Variants in DNM3 observed in about 807,000 individuals in gnomAD.
DNM3 encodes the protein dynamin-3.
A neutral mutation model predicts 101.6 loss-of-function variants in DNM3; 47 were observed. That is an observed-to-expected ratio of 0.46 (90% CI 0.37 to 0.59). The LOEUF (loss-of-function observed/expected upper bound fraction) is 0.59, where lower values mean the gene tolerates loss of function less well. DNM3 is among the 20% of genes least tolerant of loss of function. DNM3 has a pLI of 0.00. For synonymous variants in DNM3, 385 were observed against 387.9 expected (o/e 0.99, Z 0.09); for missense variants, 849 against 1,085.7 (o/e 0.78, Z 3.06).
rs2050912441 is a variant in DNM3, at chr1:172,059,057, C to A, written c.1336-9762C>A. On this transcript the variant is annotated intron_variant, in intron 10 of 20. Transcript: ENST00000627582. ...AAATAAAAACTACCATCAGAGAATA[C>A]TACAAACACCTCTACGCAAATAAAC... is the stretch of plus-strand genomic sequence containing the variant. 2.6e-5 allele frequency among the ~76,000 whole-genome samples: 4 copies of A among 151,992 alleles called. No individual in the cohort carries two copies. In the South Asian group the frequency reaches 6.2e-4, roughly 24 times the overall value.
At chr1:172,119,845 G>A (rs549383064) in intron 13 of DNM3, among the ~76,000 whole-genome samples, 7 of 152,188 alleles carry the variant, frequency 4.6e-5, no homozygotes, top group South Asian at 2.1e-4. Flanking sequence ...AGTCATCTTC[G>A]ACACCCCTTT....
chr1:172,266,641 G>A (rs946678034), intron 15 of DNM3, among the ~76,000 whole-genome samples: 2 of 152,094 alleles, frequency 1.3e-5, no homozygotes, highest in African/African-American at 4.8e-5. Flanking sequence ...ATTCAGGAAG[G>A]TTTTTATTTG....
chr1:172,028,879 T>G (rs2048395919), intron 4 of DNM3, among the ~76,000 whole-genome samples: 1 of 152,132 alleles, frequency 6.6e-6, no homozygotes, highest in Admixed American at 6.5e-5. Context: ...AATCCCTGAA[T>G]AGACCAATAG....
intron 15 of DNM3, among the ~76,000 whole-genome samples, chr1:172,257,877 A>AACACAC (rs56955112): frequency 0.02 from 2,917 of 145,196 alleles, 82 homozygotes; most frequent in African/African-American, 0.067. Context: ...AACCCCCACC[A>AACACAC]ACACACACAC....
chr1:172,068,714 G>A (rs2125935219), intron 10 of DNM3, 105 bp from the exon 11 acceptor site: 2 of 1,002,134 alleles, frequency 2.0e-6, no homozygotes, highest in East Asian at 2.7e-5. Flanking sequence ...TTTGCTTCCA[G>A]AATGGCAATG....
At chr1:172,072,511 G>A (rs923158999) in intron 11 of DNM3, among the ~76,000 whole-genome samples, 5 of 152,104 alleles carry the variant, frequency 3.3e-5, no homozygotes, top group African/African-American at 9.7e-5. Flanking sequence ...CTATAGCACT[G>A]GGTACTGAGT....
chr1:171,958,516 T>C (rs994947312), intron 2 of DNM3, among the ~76,000 whole-genome samples: 1 of 152,174 alleles, frequency 6.6e-6, no homozygotes, highest in Non-Finnish European at 1.5e-5. Context: ...ATATAGTGTG[T>C]CTGTGTGAGT....
rs139153206 is a variant in DNM3 at position 172,355,240 on chromosome 1, G to GAC, written c.1894-23762_1894-23761dup. On this transcript the variant is annotated intron_variant, in intron 17 of 20. Coordinates refer to ENST00000627582, the MANE Select transcript of DNM3 (RefSeq NM_015569.5). The stretch of plus-strand genomic sequence containing the variant: ...GAATACACAATCCAACATTTAAAAG[G>GAC]ACACACACACACACACAAAGCCATC... 4.8e-3 allele frequency among the ~76,000 whole-genome samples: 728 copies of GAC among 150,630 alleles called. 8 individuals are homozygous for GAC. Among genetic ancestry groups the GAC allele is most frequent in the African/African-American group, 0.016 (666 of 41,100 alleles).
intron 20 of DNM3, among the ~76,000 whole-genome samples, chr1:172,391,299 G>A (rs796269500): frequency 6.6e-6 from 1 of 152,162 alleles, no homozygotes; most frequent in Non-Finnish European, 1.5e-5. Flanking sequence ...TTTCTGTGCT[G>A]GTTCAGCGCT....
chr1:172,180,401 A>G (rs1205707838), intron 14 of DNM3, among the ~76,000 whole-genome samples: 1 of 152,096 alleles, frequency 6.6e-6, no homozygotes, highest in Non-Finnish European at 1.5e-5. Context: ...GCCAAAGAAC[A>G]GTGTGTGATT....
chr1:172,048,773 T>A, intron 10 of DNM3, 23 bp downstream of exon 10: 1 of 1,608,050 alleles, frequency 6.2e-7, no homozygotes, highest in Admixed American at 1.7e-5. Context: ...TATTTAACTT[T>A]CCAGTACGTG....
chr1:171,842,994 C>T (rs2031504186), intron 1 of DNM3, among the ~76,000 whole-genome samples: 1 of 152,156 alleles, frequency 6.6e-6, no homozygotes, highest in Non-Finnish European at 1.5e-5. Flanking sequence ...TTTTATTTGG[C>T]TCATTCGTGA....
intron 17 of DNM3, chr1:172,366,795 T>C (rs1479281153): frequency 2.0e-5 from 3 of 151,590 alleles, no homozygotes; most frequent in Non-Finnish European, 4.4e-5. Flanking sequence ...ATTTTTAAAC[T>C]TGAAGGTGAC....
chr1:171,994,276 G>A (rs1294251902), intron 4 of DNM3, among the ~76,000 whole-genome samples: 1 of 152,096 alleles, frequency 6.6e-6, no homozygotes, highest in Non-Finnish European at 1.5e-5. Context: ...TGTTGCTGCA[G>A]GTGCTATTTA....
intron 14 of DNM3, among the ~76,000 whole-genome samples, chr1:172,226,518 C>T (rs1271764154): frequency 6.6e-6 from 1 of 152,150 alleles, no homozygotes; most frequent in Non-Finnish European, 1.5e-5. Context: ...AATGTGGTGG[C>T]TAAGAGCATG....
At chr1:172,296,379 C>T (rs1254603689) in intron 15 of DNM3, among the ~76,000 whole-genome samples, 3 of 152,250 alleles carry the variant, frequency 2.0e-5, no homozygotes, top group Non-Finnish European at 4.4e-5. Context: ...GCCAAATGGT[C>T]TGTAGCCAAG....
In DNM3 at chr1:171,992,574, C is replaced by G. The variant is rs181435197; in HGVS notation, c.589+3426C>G. The stretch of plus-strand genomic sequence containing the variant: ...ACTTAGAAATTGTCATGTAAATGTT[C>G]ATGAACTTACCTAAAATAAATCTCC... On this transcript the variant is annotated intron_variant, in intron 4 of 20. Coordinates refer to ENST00000627582, the MANE Select transcript of DNM3 (RefSeq NM_015569.5). Among the ~76,000 whole-genome samples the G allele has an allele frequency of 2.4e-3, 368 of 152,122 alleles. 1 individual carries two copies. The highest frequency in any genetic ancestry group is 8.4e-3 in the African/African-American group (350 of 41,530).
intron 2 of DNM3, among the ~76,000 whole-genome samples, chr1:171,981,779 GTTTTA>G (rs2044817115): frequency 6.6e-6 from 1 of 152,074 alleles, no homozygotes; most frequent in Non-Finnish European, 1.5e-5. Context: ...AAAACTAGGA[GTTTTA>G]TTTTGTGAAA....
intron 2 of DNM3, among the ~76,000 whole-genome samples, chr1:171,932,065 T>TCCC (rs2041062608): frequency 1.1e-5 from 1 of 93,584 alleles, no homozygotes; most frequent in African/African-American, 4.3e-5. Context: ...CCTCCCTCCA[T>TCCC]TCCTCCCTCC....
Sources: allele counts gnomAD v4.1 joint callset (sites outside exome capture counted in the v4.1 genomes callset), GRCh38; gene constraint gnomAD v4.1.1; transcripts MANE v1.5; gene names NCBI Gene and HGNC (gene_info 2026-07-23, HGNC 2026-07-21).